EFCAB6: variants seen among roughly 807,000 people sequenced by gnomAD.
EFCAB6 encodes EF-hand calcium binding domain 6.
In EFCAB6, 156 loss-of-function variants were observed where a neutral mutation model predicts 169.8. The ratio of observed to expected loss-of-function variants is 0.92; its 90% confidence interval spans 0.81 to 1.05. EFCAB6 has a LOEUF of 1.05. Among genes scored for constraint, EFCAB6 ranks in the 50% least tolerant of loss-of-function variants. The probability of loss-of-function intolerance (pLI) is 0.00; values close to 1 mark genes in which losing one functional copy is unlikely to be tolerated. For missense variants in EFCAB6, 1,800 were observed against 1,829.1 expected (o/e 0.98, Z 0.29); for synonymous variants, 698 against 676.4 (o/e 1.03, Z -0.50).
At chr22:43,662,853 A>G (rs1426390947) in intron 17 of EFCAB6, among the ~76,000 whole-genome samples, 1 of 152,154 alleles carries the variant, frequency 6.6e-6, no homozygotes, top group African/African-American at 2.4e-5. Context: ...GCCTGTTCAC[A>G]TCCAGCAAGC....
intron 2 of EFCAB6, among the ~76,000 whole-genome samples, chr22:43,786,669 G>A (rs1427777844): frequency 6.6e-6 from 1 of 151,850 alleles, no homozygotes; most frequent in African/African-American, 2.4e-5. Context: ...AGCCAAGATC[G>A]CGCCACTGCA....
At chr22:43,632,895 T>C (rs1264157882) in intron 18 of EFCAB6, among the ~76,000 whole-genome samples, 1 of 152,204 alleles carries the variant, frequency 6.6e-6, no homozygotes, top group African/African-American at 2.4e-5. Context: ...TCTTTTTTGT[T>C]TCCTGGAATC....
chr22:43,668,918 C>T lies in EFCAB6; in HGVS notation c.1768G>A (p.Glu590Lys), dbSNP rs768065922. ...TGCTGTTCATCTTTTTGTAAATGTT[C>T]ACTTAACAGCTGATCCTTTGGAACA... is the stretch of plus-strand genomic sequence containing the variant. ...VLVPKDQLLS[E>K]HLQKDEQQQP... Residue 590 changes from glutamate (E) to lysine (K), a missense_variant, in exon 16 of 32, where the codon GAA (glutamate) becomes AAA (lysine). By Grantham distance (56) the Glu-to-Lys change is moderately conservative. Transcript: ENST00000262726. The T allele has an allele frequency of 6.2e-7, 1 of 1,608,288 alleles. No homozygotes were observed. The highest frequency in any genetic ancestry group is 1.7e-5 in the Admixed American group (1 of 59,196).
chr22:43,552,294 T>G (rs1370673779), intron 27 of EFCAB6: 2 of 152,244 alleles, frequency 1.3e-5, no homozygotes, highest in African/African-American at 2.4e-5. Flanking sequence ...TAGAATGATT[T>G]ATATTCCTTG....
chr22:43,705,376 G>C (rs947140716), intron 10 of EFCAB6, among the ~76,000 whole-genome samples: 9 of 151,980 alleles, frequency 5.9e-5, no homozygotes, highest in Non-Finnish European at 1.2e-4. Context: ...AGACCAAGGG[G>C]ATCTAATAAA....
intron 31 of EFCAB6, 56 bp downstream of exon 31, chr22:43,530,759 C>A: frequency 1.2e-6 from 2 of 1,602,986 alleles, no homozygotes; most frequent in Non-Finnish European, 1.7e-6. Context: ...AGTTTCTGGC[C>A]GCTGGCATTT....
In EFCAB6 at chr22:43,580,575, C is replaced by T. The variant is rs1312608123; in HGVS notation, c.3117G>A (p.Gln1039=). The T allele has an allele frequency of 1.2e-6, 2 of 1,614,022 alleles. No individual in the cohort carries two copies. The highest frequency in any genetic ancestry group is 2.7e-5 in the African/African-American group (2 of 74,922). Residue 1039 remains glutamine, a synonymous_variant, in exon 25 of 32, where the codon CAG becomes CAA. Coordinates refer to ENST00000262726, the MANE Select transcript of EFCAB6 (RefSeq NM_022785.4). The part of the protein sequence containing the change: ...AVENSKSTGA[Q]PKEKEESMPI... ...GCATGCTCTCTTCTTTTTCCTTGGG[C>T]TGAGCTCCTGTTGACTTGCTGTTCT...
At chr22:43,771,322 C>T (rs1422189729) in intron 4 of EFCAB6, among the ~76,000 whole-genome samples, 4 of 151,998 alleles carry the variant, frequency 2.6e-5, no homozygotes, top group Admixed American at 6.6e-5. Flanking sequence ...TCCCACTATT[C>T]GGGAGGCTGA....
chr22:43,625,922 G>A (rs187751978), intron 20 of EFCAB6, among the ~76,000 whole-genome samples: 28 of 152,346 alleles, frequency 1.8e-4, no homozygotes, highest in Non-Finnish European at 2.8e-4. Flanking sequence ...TGCAGAGGAC[G>A]GGCCCAGCCT....
intron 30 of EFCAB6, chr22:43,533,562 T>C (rs2047206425): frequency 6.6e-6 from 1 of 152,230 alleles, no homozygotes; most frequent in African/African-American, 2.4e-5. Context: ...TAAATTACTT[T>C]CAAGAAAATA....
chr22:43,726,102 A>G (rs1397456063), intron 8 of EFCAB6, among the ~76,000 whole-genome samples: 1 of 152,150 alleles, frequency 6.6e-6, no homozygotes, highest in Non-Finnish European at 1.5e-5. Context: ...GACGCCTTTC[A>G]TTTAGGCATT....
intron 3 of EFCAB6, 36 bp downstream of exon 3, chr22:43,782,144 T>A (rs753303988): frequency 3.1e-6 from 5 of 1,593,614 alleles, no homozygotes; most frequent in Admixed American, 3.5e-5. Flanking sequence ...AAGTGATATC[T>A]ACAGTTAGTG....
rs1292688597 is a variant in EFCAB6 at position 43,711,976 on chromosome 22, G to A, written c.883-353C>T. On this transcript the variant is annotated intron_variant, in intron 9 of 31. Coordinates refer to ENST00000262726, the MANE Select transcript of EFCAB6 (RefSeq NM_022785.4). ...TTTCCCTACTGTGAGCCCACGCTAC[G>A]CTTCTCCTGATTAAATCAGGCCAAT... is the stretch of plus-strand genomic sequence containing the variant. 3.3e-5 allele frequency among the ~76,000 whole-genome samples: 5 copies of A among 152,204 alleles called. No homozygotes were observed. In the South Asian group the frequency reaches 6.2e-4, roughly 19 times the overall value.
At chr22:43,595,770 C>T (rs1374993306) in intron 23 of EFCAB6, among the ~76,000 whole-genome samples, 1 of 152,010 alleles carries the variant, frequency 6.6e-6, no homozygotes, top group Admixed American at 6.5e-5. Context: ...TATCCTGATA[C>T]CCAAACCAGA....
At chr22:43,543,854 G>A (rs1011320146) in intron 27 of EFCAB6, among the ~76,000 whole-genome samples, 2 of 152,070 alleles carry the variant, frequency 1.3e-5, no homozygotes, top group East Asian at 3.9e-4. Context: ...AAGACCCTCC[G>A]GCAGCCCCAG....
chr22:43,780,249 G>A (rs1464297979), intron 3 of EFCAB6, among the ~76,000 whole-genome samples: 2 of 152,084 alleles, frequency 1.3e-5, no homozygotes, highest in Non-Finnish European at 2.9e-5. Flanking sequence ...CATTTTGGGA[G>A]GCCGAGGGGG....
chr22:43,631,905 G>A (rs1168517576), intron 19 of EFCAB6, among the ~76,000 whole-genome samples, 200 bp downstream of exon 19: 2 of 150,606 alleles, frequency 1.3e-5, no homozygotes, highest in African/African-American at 2.5e-5. Context: ...AAGTGTCCAC[G>A]GGGGTCCCTC....
chr22:43,721,281 T>C (rs984515164), intron 8 of EFCAB6, among the ~76,000 whole-genome samples: 2 of 152,144 alleles, frequency 1.3e-5, no homozygotes, highest in Non-Finnish European at 2.9e-5. Context: ...AGAATCAGTA[T>C]CATTAAAATG....
chr22:43,627,853 C>T (rs2054633469), intron 19 of EFCAB6, among the ~76,000 whole-genome samples: 1 of 152,190 alleles, frequency 6.6e-6, no homozygotes, highest in African/African-American at 2.4e-5. Context: ...GGAAAGCTCT[C>T]TCTGTATTCA....
Sources: gnomAD v4.1 joint callset for allele counts (sites outside exome capture counted in the v4.1 genomes callset) on GRCh38, gnomAD v4.1.1 for gene constraint, MANE v1.5 for transcripts, NCBI Gene and HGNC (gene_info 2026-07-23, HGNC 2026-07-21) for gene names.